CSMD1: variants seen among roughly 807,000 people sequenced by gnomAD.
CSMD1 encodes the protein CUB and sushi domain-containing protein 1.
Under a neutral mutation model 417.5 loss-of-function variants are expected in CSMD1, and 213 were observed. The observed-to-expected ratio is 0.51, with a 90% CI of 0.46 to 0.57. The LOEUF is 0.57. Ranked by LOEUF, CSMD1 falls within the 20% of genes least tolerant of loss-of-function variation. CSMD1 has a pLI of 0.00. For synonymous variants in CSMD1, 2,862 were observed against 1,736.8 expected, an observed-to-expected ratio of 1.65 and a Z score of -16.11; for missense variants, 6,923 against 4,529.7, an observed-to-expected ratio of 1.53 and a Z score of -15.17.
chr8:4,142,270 C>G (rs35584635), intron 3 of CSMD1, among the ~76,000 whole-genome samples: 45,254 of 150,766 alleles, frequency 0.3, 8,438 homozygotes, highest in Non-Finnish European at 0.39. Flanking sequence ...TCCTTCTACT[C>G]TTGGTATAAG....
At chr8:3,837,288 T>G (rs1346174380) in intron 5 of CSMD1, among the ~76,000 whole-genome samples, 1 of 152,196 alleles carries the variant, frequency 6.6e-6, no homozygotes, top group African/African-American at 2.4e-5. Flanking sequence ...GATGAATCTC[T>G]TCAACAACAG....
At chr8:4,401,578 A>G (rs1804646133) in intron 3 of CSMD1, among the ~76,000 whole-genome samples, 2 of 151,970 alleles carry the variant, frequency 1.3e-5, no homozygotes, top group Admixed American at 6.6e-5. Context: ...GTCTAGACCA[A>G]TCCATCATGT....
At chr8:4,238,584 A>T (rs545720583) in intron 3 of CSMD1, among the ~76,000 whole-genome samples, 100 of 152,224 alleles carry the variant, frequency 6.6e-4, no homozygotes, top group Non-Finnish European at 1.2e-3. Context: ...ATATTACTTA[A>T]CTCTAAAGGA....
chr8:4,906,899 A>T (rs1255934455), intron 1 of CSMD1, among the ~76,000 whole-genome samples: 1 of 152,144 alleles, frequency 6.6e-6, no homozygotes, highest in Admixed American at 6.5e-5. Flanking sequence ...TCACAATGTG[A>T]GTAAATGTGG....
chr8:3,672,534 T>C (rs1232566240), intron 7 of CSMD1, among the ~76,000 whole-genome samples: 1 of 152,210 alleles, frequency 6.6e-6, no homozygotes, highest in Non-Finnish European at 1.5e-5. Flanking sequence ...AAGAAATCAA[T>C]TATATTAAAA....
chr8:3,590,278 T>C (rs1479370769), intron 8 of CSMD1, among the ~76,000 whole-genome samples: 1 of 152,148 alleles, frequency 6.6e-6, no homozygotes, highest in Non-Finnish European at 1.5e-5. Flanking sequence ...TATATTCAAA[T>C]GATTATATTT....
At chr8:3,495,129 G>A (rs574428051) in intron 10 of CSMD1, among the ~76,000 whole-genome samples, 111 of 152,280 alleles carry the variant, frequency 7.3e-4, no homozygotes, top group Admixed American at 1.2e-3. Context: ...ATTTGAAATA[G>A]GTGTCGAGGT....
At chr8:4,557,028 T>A (rs1359899236) in intron 2 of CSMD1, among the ~76,000 whole-genome samples, 1 of 152,222 alleles carries the variant, frequency 6.6e-6, no homozygotes, top group Admixed American at 6.5e-5. Flanking sequence ...ATTTTTCAAG[T>A]GTAATTTTTA....
At chr8:3,621,341 C>T (rs148400723) in intron 7 of CSMD1, among the ~76,000 whole-genome samples, 1 of 152,112 alleles carries the variant, frequency 6.6e-6, no homozygotes, top group Non-Finnish European at 1.5e-5. Flanking sequence ...ACAAGAGACT[C>T]ACTTTAGGCG....
intron 41 of CSMD1, among the ~76,000 whole-genome samples, chr8:3,135,228 C>G (rs1395872895): frequency 2.0e-5 from 3 of 152,162 alleles, no homozygotes; most frequent in African/African-American, 7.2e-5. Flanking sequence ...TTAGCTCTTC[C>G]AAACCAACTA....
Position 3,190,060 on chromosome 8 carries a change from T to C in CSMD1, c.5250A>G (p.Gly1750=). The C allele has an allele frequency of 6.3e-7, 1 of 1,595,998 alleles. No homozygotes were observed. Among genetic ancestry groups the C allele is most frequent in the Admixed American group, 1.7e-5 (1 of 57,232 alleles). Residue 1750 remains glycine, a synonymous_variant, in exon 34 of 70, where the codon GGA becomes GGG. Coordinates refer to ENST00000635120, the MANE Select transcript of CSMD1 (RefSeq NM_033225.6). ...CAGAAAACTCAGAACCAATTCTCCT[T>C]CCGTATCTGGGCTCGGGGACAGAGC... is the stretch of plus-strand genomic sequence containing the variant. ...QCSSVPEPRY[G]RRIGSEFSAG...
chr8:3,691,874 T>C (rs1225194084), intron 7 of CSMD1, among the ~76,000 whole-genome samples: 1 of 152,200 alleles, frequency 6.6e-6, no homozygotes, highest in Non-Finnish European at 1.5e-5. Flanking sequence ...AGAATTTGAA[T>C]CTATGACTTC....
rs190968361 is a variant in CSMD1, at chr8:3,399,947, T to C, written c.2267-418A>G. Among the ~76,000 whole-genome samples the C allele has an allele frequency of 2.6e-3, 391 of 152,332 alleles. 2 individuals are homozygous for C. The highest frequency in any genetic ancestry group is 0.01 in the Middle Eastern group (3 of 294). On this transcript the variant is annotated intron_variant, in intron 15 of 69. Coordinates refer to ENST00000635120, the MANE Select transcript of CSMD1 (RefSeq NM_033225.6). ...ATACATATACACACCCTTAGGTGTGTGTATGCATGTGTTTATTTACTTCCA... is the reference window on the plus strand; with the variant it reads ...ATACATATACACACCCTTAGGTGTGCGTATGCATGTGTTTATTTACTTCCA...
At chr8:4,322,313 A>G (rs1002253777) in intron 3 of CSMD1, among the ~76,000 whole-genome samples, 6 of 147,684 alleles carry the variant, frequency 4.1e-5, no homozygotes, top group African/African-American at 1.2e-4. Context: ...TGCATATTTG[A>G]AGAGAGTACT....
At chr8:3,456,026 C>A (rs925425941) in intron 12 of CSMD1, among the ~76,000 whole-genome samples, 1 of 152,174 alleles carries the variant, frequency 6.6e-6, no homozygotes, top group Non-Finnish European at 1.5e-5. Context: ...GCCCCTCCCC[C>A]AGCCTCGCCG....
chr8:4,952,686 T>TGC (rs1808833468), intron 1 of CSMD1, among the ~76,000 whole-genome samples: 2 of 152,080 alleles, frequency 1.3e-5, no homozygotes, highest in African/African-American at 2.4e-5. Context: ...AAGCAAAACA[T>TGC]GGAATACATT....
chr8:4,977,085 GTT>G (rs1563917534), intron 1 of CSMD1, among the ~76,000 whole-genome samples: 1 of 152,052 alleles, frequency 6.6e-6, no homozygotes, highest in Non-Finnish European at 1.5e-5. Flanking sequence ...TTATATTGGC[GTT>G]TCTCTCAAGA....
In CSMD1 at chr8:4,472,930, C is replaced by G. The variant is rs548545553; in HGVS notation, c.303-52865G>C. 1.3e-4 allele frequency among the ~76,000 whole-genome samples: 20 copies of G among 151,980 alleles called. No individual in the cohort carries two copies. In the South Asian group the frequency reaches 4.2e-3, roughly 32 times the overall value. On this transcript the variant is annotated intron_variant, in intron 2 of 69. Coordinates refer to ENST00000635120, the MANE Select transcript of CSMD1 (RefSeq NM_033225.6). The stretch of plus-strand genomic sequence containing the variant: ...CCATAATATTTTGATAATTTACACT[C>G]CATTCTATGTAAATCTACAGTAACA...
chr8:4,080,925 G>C (rs949399052), intron 3 of CSMD1, among the ~76,000 whole-genome samples: 5 of 152,148 alleles, frequency 3.3e-5, no homozygotes, highest in African/African-American at 4.8e-5. Flanking sequence ...GCCTTTGTGA[G>C]GTGATTAGGC....
Sources: gnomAD v4.1 joint callset for allele counts (sites outside exome capture counted in the v4.1 genomes callset) on GRCh38, gnomAD v4.1.1 for gene constraint, MANE v1.5 for transcripts, NCBI Gene and HGNC (gene_info 2026-07-23, HGNC 2026-07-21) for gene names.